MARCHF1: variants seen among roughly 807,000 people sequenced by gnomAD.
MARCHF1 encodes membrane associated ring-CH-type finger 1, also known as E3 ubiquitin-protein ligase MARCHF1.
Under a neutral mutation model 54.2 loss-of-function variants are expected in MARCHF1, and 40 were observed. That is an observed-to-expected ratio of 0.74 (90% CI 0.57 to 0.96). The LOEUF (loss-of-function observed/expected upper bound fraction) is 0.96, where lower values mean the gene tolerates loss of function less well. Ranked by LOEUF, MARCHF1 falls within the 40% of genes least tolerant of loss-of-function variation. MARCHF1 has a pLI of 0.00. For missense variants in MARCHF1, 586 were observed against 656.5 expected (o/e 0.89, Z 1.17); for synonymous variants, 236 against 236.3 (o/e 1.00, Z 0.01).
chr4:163,985,080 C>T (rs1752836355), intron 3 of MARCHF1, among the ~76,000 whole-genome samples: 1 of 152,108 alleles, frequency 6.6e-6, no homozygotes, highest in Non-Finnish European at 1.5e-5. Context: ...AAAACTCAAA[C>T]ATTCCATCAC....
At chr4:164,047,869 T>C (rs970765767) in intron 2 of MARCHF1, among the ~76,000 whole-genome samples, 4 of 152,312 alleles carry the variant, frequency 2.6e-5, no homozygotes, top group Admixed American at 6.5e-5. Context: ...TTTGTAATTA[T>C]ATTTTCTCAT....
intron 4 of MARCHF1, among the ~76,000 whole-genome samples, chr4:163,717,220 C>G (rs925264894): frequency 6.3e-5 from 9 of 143,462 alleles, no homozygotes; most frequent in Non-Finnish European, 1.2e-4. Flanking sequence ...TTGTTCAATT[C>G]CCACCTATGA....
intron 1 of MARCHF1, among the ~76,000 whole-genome samples, chr4:164,203,557 T>A (rs1731515712): frequency 6.6e-6 from 1 of 152,148 alleles, no homozygotes; most frequent in Non-Finnish European, 1.5e-5. Context: ...AGGAGGGTAA[T>A]CTGCTTTACT....
intron 3 of MARCHF1, among the ~76,000 whole-genome samples, chr4:163,913,778 A>G (rs959407611): frequency 2.0e-5 from 3 of 152,076 alleles, no homozygotes; most frequent in Non-Finnish European, 4.4e-5. Context: ...TCCTTCTGAC[A>G]TTTCCTACTG....
At chr4:164,139,797 C>T (rs1756483087) in intron 1 of MARCHF1, among the ~76,000 whole-genome samples, 1 of 152,090 alleles carries the variant, frequency 6.6e-6, no homozygotes, top group Non-Finnish European at 1.5e-5. Context: ...TATTTAATGG[C>T]TATTATAAAT....
At chr4:163,689,251 G>C (rs77518723) in intron 5 of MARCHF1, among the ~76,000 whole-genome samples, 4,521 of 152,232 alleles carry the variant, frequency 0.03, 77 homozygotes, top group East Asian at 0.078. Flanking sequence ...AACCAAAGCT[G>C]AATGGCAAGT....
Position 164,049,812 on chromosome 4 carries a change from C to T in MARCHF1, c.-247-61103G>A, listed in dbSNP as rs75195110. ...TACTGAAATTACAGTTTTATTTTCA[C>T]TATTTCCTTGCATTTTATGAGGCAG... On this transcript the variant is annotated intron_variant, in intron 2 of 9. Coordinates refer to ENST00000514618, the MANE Select transcript of MARCHF1 (RefSeq NM_001394959.1). Among the ~76,000 whole-genome samples, 1,490 of 152,226 alleles carry T rather than the reference C, an allele frequency of 9.8e-3. 18 individuals carry two copies. The highest frequency in any genetic ancestry group is 0.033 in the African/African-American group (1,369 of 41,534).
chr4:163,761,404 T>C (rs1196507133), intron 4 of MARCHF1, among the ~76,000 whole-genome samples: 1 of 152,218 alleles, frequency 6.6e-6, no homozygotes, highest in Non-Finnish European at 1.5e-5. Context: ...TCATAACCTA[T>C]ATCATCTCTT....
intron 4 of MARCHF1, among the ~76,000 whole-genome samples, chr4:163,837,842 C>T (rs1158965662): frequency 6.6e-6 from 1 of 152,010 alleles, no homozygotes; most frequent in Admixed American, 6.6e-5. Context: ...TACCTAATAA[C>T]CGCAAAATGC....
At chr4:164,039,438 C>A (rs556661021) in intron 2 of MARCHF1, among the ~76,000 whole-genome samples, 64 of 152,222 alleles carry the variant, frequency 4.2e-4, no homozygotes, top group African/African-American at 1.3e-3. Context: ...GTGCAGATGT[C>A]CTTAATTCAA....
chr4:164,097,329 G>C (rs888380123), intron 2 of MARCHF1, among the ~76,000 whole-genome samples: 2 of 152,118 alleles, frequency 1.3e-5, no homozygotes, highest in Non-Finnish European at 2.9e-5. Context: ...ATCTCTAACT[G>C]AAATTGATCA....
intron 1 of MARCHF1, among the ~76,000 whole-genome samples, chr4:164,302,868 TAAAAA>T (rs70952621): frequency 3.5e-5 from 4 of 114,238 alleles, no homozygotes; most frequent in African/African-American, 9.6e-5. Flanking sequence ...GAGACTGTCT[TAAAAA>T]AAAAAAAAAA....
chr4:163,799,042 G>A (rs1448607199), intron 4 of MARCHF1, among the ~76,000 whole-genome samples: 1 of 151,896 alleles, frequency 6.6e-6, no homozygotes, highest in Non-Finnish European at 1.5e-5. Context: ...ATCTAAAGCT[G>A]CACTGTTAAA....
intron 4 of MARCHF1, among the ~76,000 whole-genome samples, chr4:163,828,399 A>C (rs1359516379): frequency 6.6e-6 from 1 of 152,122 alleles, no homozygotes; most frequent in East Asian, 1.9e-4. Context: ...CAGTCATTAT[A>C]GACTTTTGTT....
intron 4 of MARCHF1, among the ~76,000 whole-genome samples, chr4:163,827,157 G>A (rs1337817908): frequency 1.3e-5 from 2 of 151,120 alleles, no homozygotes; most frequent in Non-Finnish European, 2.9e-5. Context: ...TTTTATCTTC[G>A]GCTGAAAATA....
At chr4:164,278,645 T>C (rs943436937) in intron 1 of MARCHF1, among the ~76,000 whole-genome samples, 27 of 152,186 alleles carry the variant, frequency 1.8e-4, no homozygotes, top group Non-Finnish European at 3.5e-4. Context: ...GTGTATGTTT[T>C]TGAAATAAAA....
intron 5 of MARCHF1, among the ~76,000 whole-genome samples, chr4:163,614,329 T>C (rs1181061382): frequency 2.0e-5 from 3 of 152,092 alleles, no homozygotes; most frequent in African/African-American, 7.2e-5. Flanking sequence ...GTAAATACTA[T>C]AATTACATAC....
chr4:164,217,690 C>T (rs894753772), intron 1 of MARCHF1, among the ~76,000 whole-genome samples: 8 of 152,182 alleles, frequency 5.3e-5, no homozygotes, highest in Non-Finnish European at 1.2e-4. Flanking sequence ...TTTATAAGGT[C>T]TGTTAAAATA....
chr4:164,337,942 T>C (rs1160685212), intron 1 of MARCHF1, among the ~76,000 whole-genome samples: 1 of 152,178 alleles, frequency 6.6e-6, no homozygotes, highest in East Asian at 1.9e-4. Flanking sequence ...GGCACTTTCA[T>C]AGAAAATGCC....
Sources: gnomAD v4.1 joint callset for allele counts (sites outside exome capture counted in the v4.1 genomes callset) on GRCh38, gnomAD v4.1.1 for gene constraint, MANE v1.5 for transcripts, NCBI Gene and HGNC (gene_info 2026-07-23, HGNC 2026-07-21) for gene names.